Variants in FAM81A observed in about 807,000 individuals in gnomAD.
FAM81A encodes the protein protein FAM81A.
FAM81A carries 19 observed loss-of-function variants against 46.7 expected under a neutral mutation model. The ratio of observed to expected loss-of-function variants is 0.41; its 90% CI spans 0.28 to 0.60. The LOEUF (loss-of-function observed/expected upper bound fraction) is 0.60. Among genes scored for constraint, FAM81A ranks in the 20% least tolerant of loss-of-function variants. The probability of loss-of-function intolerance (pLI) is 0.34; values close to 1 mark genes in which losing one functional copy is unlikely to be tolerated. For synonymous variants in FAM81A, 183 were observed against 152.9 expected, an observed-to-expected ratio of 1.20 and a Z score of -1.45; for missense variants, 377 against 453.5, an observed-to-expected ratio of 0.83 and a Z score of 1.53.
intron 3 of FAM81A, among the ~76,000 whole-genome samples, chr15:59,487,719 C>T (rs1162020106): frequency 2.6e-5 from 4 of 152,008 alleles, no homozygotes; most frequent in Admixed American, 6.6e-5. Flanking sequence ...AAATCCAAAA[C>T]CTGAACAAAC....
chr15:59,424,079 C>T (rs144847985), intron 2 of FAM81A, among the ~76,000 whole-genome samples: 1,560 of 152,290 alleles, frequency 0.01, 20 homozygotes, highest in African/African-American at 0.032. Context: ...ATTCTGTCCC[C>T]ACCATTGCAC....
rs1305575432 is a variant in FAM81A, at chr15:59,460,183, A to G, written c.271A>G (p.Lys91Glu). ...EHIRNITAIV[K>E]QLNRDIEVLQ... Reference sequence around the variant, plus strand: ...TATCAGAAACATAACTGCCATAGTGAAGCAACTTAATCGGGATATCGAGGT... The same window carrying G: ...TATCAGAAACATAACTGCCATAGTGGAGCAACTTAATCGGGATATCGAGGT... The change falls in exon 3 of 9, where the codon AAG becomes GAG. Residue 91 changes from lysine to glutamate, a missense_variant. Coordinates refer to ENST00000288228, the MANE Select transcript of FAM81A (RefSeq NM_152450.3). The surrounding 1 kb of genome is among the most constrained non-coding windows in gnomAD (Gnocchi z 4.4). 1 of 1,614,062 alleles carries G rather than the reference A, an allele frequency of 6.2e-7. No homozygotes were observed. The highest frequency in any genetic ancestry group is 8.5e-7 in the Non-Finnish European group (1 of 1,179,900).
At chr15:59,505,512 G>GA (rs555139851) in intron 4 of FAM81A, among the ~76,000 whole-genome samples, 9,590 of 133,502 alleles carry the variant, frequency 0.072, 441 homozygotes, top group African/African-American at 0.14. Context: ...ACTCTGTCTC[G>GA]AAAAAAAAAA....
At chr15:59,498,503 G>A (rs2082057339) in intron 4 of FAM81A, among the ~76,000 whole-genome samples, 1 of 152,144 alleles carries the variant, frequency 6.6e-6, no homozygotes, top group Non-Finnish European at 1.5e-5. Flanking sequence ...TTCCAATCAG[G>A]ATTTCATTTC....
At chr15:59,515,281 A>G (rs377169381) in intron 7 of FAM81A, among the ~76,000 whole-genome samples, 2 of 152,178 alleles carry the variant, frequency 1.3e-5, no homozygotes, top group African/African-American at 4.8e-5. Flanking sequence ...GTAGTATTCA[A>G]AATTGTTATG....
At chr15:59,490,989 G>T (rs1404408527) in intron 3 of FAM81A, among the ~76,000 whole-genome samples, 1 of 152,212 alleles carries the variant, frequency 6.6e-6, no homozygotes, top group Non-Finnish European at 1.5e-5. Flanking sequence ...TACAACCACT[G>T]TGGAGAACAC....
At chr15:59,507,162 G>A (rs1015838210) in intron 4 of FAM81A, 51 bp from the exon 5 acceptor site, 93 of 1,566,304 alleles carry the variant, frequency 5.9e-5, no homozygotes, top group Non-Finnish European at 7.7e-5. Context: ...AAGCTTTTGC[G>A]CATTGTTTTT....
At chr15:59,415,708 A>G (rs1321313254) in intron 2 of FAM81A, among the ~76,000 whole-genome samples, 2 of 152,194 alleles carry the variant, frequency 1.3e-5, no homozygotes, top group Non-Finnish European at 2.9e-5. Context: ...TAAGATAATA[A>G]GTTTGTGCTG....
chr15:59,508,831 T>A (rs748283158), intron 5 of FAM81A, 32 bp from the exon 6 acceptor site: 1 of 1,553,448 alleles, frequency 6.4e-7, no homozygotes, highest in South Asian at 1.1e-5. Context: ...AGACGTTAGA[T>A]GTGATATTTA....
chr15:59,484,344 T>G (rs1255865077), intron 3 of FAM81A, among the ~76,000 whole-genome samples: 1 of 152,184 alleles, frequency 6.6e-6, no homozygotes, highest in Non-Finnish European at 1.5e-5. Context: ...CCTCCCCACA[T>G]GAACACCAAA....
At chr15:59,414,952 A>T (rs2081139425) in intron 2 of FAM81A, among the ~76,000 whole-genome samples, 1 of 151,322 alleles carries the variant, frequency 6.6e-6, no homozygotes. Flanking sequence ...AGTAGCTGGG[A>T]CTACAGGCGT....
At chr15:59,400,782 A>C (rs922743130) in intron 1 of FAM81A, among the ~76,000 whole-genome samples, 9 of 152,160 alleles carry the variant, frequency 5.9e-5, no homozygotes, top group African/African-American at 2.2e-4. Context: ...TCATGGGGGA[A>C]GTCTAAACTC....
chr15:59,445,845 T>C (rs1043254138), intron 1 of FAM81A, among the ~76,000 whole-genome samples: 1 of 152,112 alleles, frequency 6.6e-6, no homozygotes, highest in Non-Finnish European at 1.5e-5. Flanking sequence ...TTTGGTAATG[T>C]ATCTTTTCTA....
chr15:59,521,320 ACAGGGAC>A lies in FAM81A; in HGVS notation c.1053_1059del (p.Arg351SerfsTer8). On this transcript the variant is annotated frameshift_variant, in exon 9 of 9. Coordinates refer to ENST00000288228, the MANE Select transcript of FAM81A (RefSeq NM_152450.3). LOFTEE classifies it high-confidence loss of function. ...GTTCTCGAGGCCAAGATGAAGCTGG[ACAGGGAC>A]CAGCTACAGAAGCAAATCCAGCTGA... 1 of 1,613,876 alleles carries A rather than the reference ACAGGGAC, an allele frequency of 6.2e-7. No individual in the cohort carries two copies. Among genetic ancestry groups the A allele is most frequent in the Non-Finnish European group, 8.5e-7 (1 of 1,179,818 alleles).
At chr15:59,514,221 TGGAAC>T in intron 6 of FAM81A, 63 bp from the exon 7 acceptor site, 6 of 1,422,322 alleles carry the variant, frequency 4.2e-6, no homozygotes, top group Non-Finnish European at 5.6e-6. Context: ...ACATGTACCC[TGGAAC>T]TTAAAATAAA....
In FAM81A at chr15:59,516,785, G is replaced by C. The variant is rs771565685; in HGVS notation, c.927G>C (p.Lys309Asn). 1.2e-6 allele frequency: 2 copies of C among 1,612,270 alleles called. No homozygotes were observed. The highest frequency in any genetic ancestry group is 1.7e-6 in the Non-Finnish European group (2 of 1,179,318). ...AGAAGATGCACGGGCGAATCACCAA[G>C]CTGGAGTTACAGATGAACCAGAACA... ...EEEKMHGRIT[K>N]LELQMNQNIK... Residue 309 changes from lysine to asparagine, a missense_variant, in exon 8 of 9, where the codon AAG becomes AAC. By Grantham distance (94) the Lys-to-Asn change is moderately conservative. Transcript: ENST00000288228.
intron 2 of FAM81A, among the ~76,000 whole-genome samples, chr15:59,426,146 A>G (rs772478149): frequency 6.6e-6 from 1 of 152,212 alleles, no homozygotes; most frequent in Non-Finnish European, 1.5e-5. Flanking sequence ...CACTTTTTGA[A>G]TTGTCTCCAA....
At chr15:59,430,881 A>G (rs2081216938) in intron 2 of FAM81A, among the ~76,000 whole-genome samples, 1 of 152,232 alleles carries the variant, frequency 6.6e-6, no homozygotes, top group Non-Finnish European at 1.5e-5. Context: ...TAACCAGATT[A>G]ATTAACAAAC....
intron 4 of FAM81A, among the ~76,000 whole-genome samples, chr15:59,496,792 A>G (rs1215928661): frequency 6.6e-6 from 1 of 151,114 alleles, no homozygotes; most frequent in East Asian, 1.9e-4. Flanking sequence ...TTTTTTCAAG[A>G]TTGTGTTAGC....
Sources: gnomAD v4.1 joint callset for allele counts (sites outside exome capture counted in the v4.1 genomes callset) on GRCh38, gnomAD v4.1.1 for gene constraint, Gnocchi (gnomAD v3.1) non-coding constraint, MANE v1.5 for transcripts, NCBI Gene and HGNC (gene_info 2026-07-23, HGNC 2026-07-21) for gene names.